The following CCDC178 variants were observed in gnomAD, a reference collection of about 807,000 sequenced individuals.
CCDC178 encodes coiled-coil domain containing 178, also known as coiled-coil domain-containing protein 178.
In CCDC178, 126 loss-of-function variants were observed where a neutral mutation model predicts 117.4. The ratio of observed to expected loss-of-function variants is 1.07; its 90% CI spans 0.93 to 1.24. CCDC178 has a LOEUF of 1.24. CCDC178 is among the 50% of genes most tolerant of loss of function. CCDC178 has a pLI of 0.00. For missense variants in CCDC178, 1,030 were observed against 986.9 expected (o/e 1.04, Z -0.59); for synonymous variants, 283 against 313.4 (o/e 0.90, Z 1.02).
chr18:33,138,505 G>C (rs2058157016), intron 20 of CCDC178, among the ~76,000 whole-genome samples: 1 of 152,058 alleles, frequency 6.6e-6, no homozygotes, highest in South Asian at 2.1e-4. Context: ...TAGCTGCCTA[G>C]GGAACTAATG....
At chr18:33,116,459 T>C (rs1262814905) in intron 20 of CCDC178, among the ~76,000 whole-genome samples, 1 of 152,146 alleles carries the variant, frequency 6.6e-6, no homozygotes, top group African/African-American at 2.4e-5. Flanking sequence ...CCAGGGATCA[T>C]CTCACAGTTC....
intron 21 of CCDC178, among the ~76,000 whole-genome samples, chr18:33,009,075 C>G (rs1347234490): frequency 6.6e-6 from 1 of 152,084 alleles, no homozygotes; most frequent in East Asian, 1.9e-4. Context: ...TTTTCTTACT[C>G]CCTTCATCTG....
chr18:33,053,548 G>T (rs774699752), intron 21 of CCDC178, among the ~76,000 whole-genome samples: 1 of 152,132 alleles, frequency 6.6e-6, no homozygotes, highest in Non-Finnish European at 1.5e-5. Context: ...TCCAAAATAA[G>T]AGTTTCCAGG....
At chr18:33,249,505 C>T (rs2059591609) in intron 14 of CCDC178, among the ~76,000 whole-genome samples, 1 of 152,078 alleles carries the variant, frequency 6.6e-6, no homozygotes, top group South Asian at 2.1e-4. Flanking sequence ...GTTTTCCCAG[C>T]ACCATTTACT....
intron 11 of CCDC178, among the ~76,000 whole-genome samples, chr18:33,317,098 C>A (rs1261186097): frequency 6.6e-6 from 1 of 152,114 alleles, no homozygotes; most frequent in Non-Finnish European, 1.5e-5. Flanking sequence ...GCAGTGGCAA[C>A]CTGCTTGGGT....
intron 20 of CCDC178, among the ~76,000 whole-genome samples, chr18:33,176,475 A>G (rs2058665924): frequency 6.6e-6 from 1 of 152,178 alleles, no homozygotes; most frequent in Non-Finnish European, 1.5e-5. Flanking sequence ...TTCACTCAGT[A>G]AATAAGAACT....
chr18:33,264,015 T>C (rs1352046582), intron 14 of CCDC178, among the ~76,000 whole-genome samples: 1 of 152,034 alleles, frequency 6.6e-6, no homozygotes, highest in Non-Finnish European at 1.5e-5. Context: ...TTTAAATTAT[T>C]AGGTGCAGAT....
chr18:33,114,213 A>T (rs1371332405), intron 20 of CCDC178, among the ~76,000 whole-genome samples: 2 of 152,016 alleles, frequency 1.3e-5, no homozygotes, highest in Non-Finnish European at 2.9e-5. Context: ...AAAGGACTGG[A>T]GGATCCCTTT....
At chr18:33,407,978 T>C (rs2063804082) in intron 3 of CCDC178, among the ~76,000 whole-genome samples, 2 of 151,898 alleles carry the variant, frequency 1.3e-5, no homozygotes, top group Admixed American at 6.6e-5. Context: ...CCAATGTTAC[T>C]GAATAAGAAA....
chr18:33,035,302 C>T (rs535473751), intron 21 of CCDC178, among the ~76,000 whole-genome samples: 4 of 151,900 alleles, frequency 2.6e-5, no homozygotes, highest in African/African-American at 7.2e-5. Flanking sequence ...GAAATTCCAG[C>T]ATACAAGTGG....
chr18:33,380,891 G>C (rs2063431857), intron 5 of CCDC178, among the ~76,000 whole-genome samples: 3 of 152,184 alleles, frequency 2.0e-5, no homozygotes, highest in Non-Finnish European at 2.9e-5. Context: ...AGGCCAACAA[G>C]CCAGAGATAG....
At chr18:33,041,208 C>A (rs188411837) in intron 21 of CCDC178, among the ~76,000 whole-genome samples, 59 of 151,752 alleles carry the variant, frequency 3.9e-4, no homozygotes, top group African/African-American at 1.3e-3. Context: ...TCTTATCACC[C>A]TATAAACTGA....
chr18:33,132,016 G>A (rs191278545), intron 20 of CCDC178, among the ~76,000 whole-genome samples: 9 of 151,212 alleles, frequency 6.0e-5, no homozygotes, highest in Admixed American at 5.9e-4. Flanking sequence ...TGCTACTCAT[G>A]TAGCTAAGAC....
At chr18:33,113,422 C>A (rs1222752822) in intron 20 of CCDC178, among the ~76,000 whole-genome samples, 1 of 151,858 alleles carries the variant, frequency 6.6e-6, no homozygotes. Context: ...GGGTTAAAAT[C>A]TTAAATAAAA....
chr18:33,245,181 G>C, intron 15 of CCDC178, 64 bp downstream of exon 15: 1 of 1,320,104 alleles, frequency 7.6e-7, no homozygotes, highest in Non-Finnish European at 1.0e-6. Flanking sequence ...AGATGAAATC[G>C]ATACAATTCA....
rs553902562 is a variant in CCDC178, at chr18:33,177,571, CT to C, written c.2238+34324del. Among the ~76,000 whole-genome samples the C allele has an allele frequency of 1.6e-3, 238 of 152,096 alleles. 1 individual carries two copies. The highest frequency in any genetic ancestry group is 5.4e-3 in the African/African-American group (225 of 41,528). The stretch of plus-strand genomic sequence containing the variant: ...TTTCTTCCTCTATTAGTTTTTTCTC[CT>C]TGGCAAATAAGCAGGCTCAAGTGCC... On this transcript the variant is annotated intron_variant, in intron 20 of 22. Transcript: ENST00000383096.
chr18:33,307,117 G>A (rs1488954200), intron 11 of CCDC178, among the ~76,000 whole-genome samples: 1 of 152,190 alleles, frequency 6.6e-6, no homozygotes, highest in Non-Finnish European at 1.5e-5. Context: ...TACCAGTAGA[G>A]TGGGGTGCTG....
intron 5 of CCDC178, among the ~76,000 whole-genome samples, chr18:33,383,747 G>A (rs2063464110): frequency 6.6e-6 from 1 of 152,152 alleles, no homozygotes; most frequent in Non-Finnish European, 1.5e-5. Context: ...AATCCATGAA[G>A]ATGAAGAAAA....
chr18:33,390,359 T>C (rs890999920), intron 4 of CCDC178, among the ~76,000 whole-genome samples: 2 of 152,136 alleles, frequency 1.3e-5, no homozygotes, highest in East Asian at 3.9e-4. Flanking sequence ...AATCAAAGTA[T>C]AGGTCCACAA....
Sources: gnomAD v4.1 joint callset for allele counts (sites outside exome capture counted in the v4.1 genomes callset) on GRCh38, gnomAD v4.1.1 for gene constraint, MANE v1.5 for transcripts, NCBI Gene and HGNC (gene_info 2026-07-23, HGNC 2026-07-21) for gene names.